Variants in HUS1 observed in about 807,000 individuals in gnomAD.
The protein encoded by HUS1 is HUS1 checkpoint clamp component.
Under a neutral mutation model 32.6 loss-of-function variants are expected in HUS1, and 31 were observed. That is an observed-to-expected ratio of 0.95 (90% CI 0.72 to 1.28). HUS1 has a LOEUF of 1.28. Ranked by LOEUF, HUS1 falls within the 50% of genes most tolerant of loss-of-function variation. The pLI is 0.00. For missense variants in HUS1, 340 were observed against 337.7 expected, an observed-to-expected ratio of 1.01 and a Z score of -0.05; for synonymous variants, 123 against 116.6, an observed-to-expected ratio of 1.06 and a Z score of -0.36.
At chr7:47,973,308 C>T (rs988828374) in intron 5 of HUS1, among the ~76,000 whole-genome samples, 5 of 152,226 alleles carry the variant, frequency 3.3e-5, no homozygotes, top group Admixed American at 3.3e-4. Flanking sequence ...AGACAGGCAG[C>T]ATCGACATCT....
chr7:47,972,329 T>C (rs1788615443), intron 5 of HUS1, among the ~76,000 whole-genome samples: 1 of 152,256 alleles, frequency 6.6e-6, no homozygotes, highest in Admixed American at 6.5e-5. Flanking sequence ...CAGGCTTAAA[T>C]GTTCTCTTGT....
chr7:47,972,469 T>G (rs1445489134), intron 5 of HUS1, among the ~76,000 whole-genome samples: 1 of 152,210 alleles, frequency 6.6e-6, no homozygotes, highest in African/African-American at 2.4e-5. Context: ...AACAAACAAC[T>G]AATTCTCTGA....
intron 6 of HUS1, among the ~76,000 whole-genome samples, chr7:47,968,227 T>C (rs1788522165): frequency 6.6e-6 from 1 of 151,246 alleles, no homozygotes; most frequent in Non-Finnish European, 1.5e-5. Flanking sequence ...AGAGTGAAAA[T>C]ATATACATTA....
intron 5 of HUS1, chr7:47,971,534 G>A (rs776149370): frequency 4.4e-6 from 2 of 456,628 alleles, no homozygotes; most frequent in Admixed American, 4.7e-5. Context: ...TGAAGCATAT[G>A]CCACAGTATG....
chr7:47,970,351 C>G (rs1382695642), intron 5 of HUS1, among the ~76,000 whole-genome samples: 1 of 150,762 alleles, frequency 6.6e-6, no homozygotes, highest in Non-Finnish European at 1.5e-5. Context: ...ACATAAAACA[C>G]AGCTGACAGC....
chr7:47,976,071 G>A (rs549679070), intron 4 of HUS1: 41 of 322,528 alleles, frequency 1.3e-4, no homozygotes, highest in Admixed American at 6.8e-4. Context: ...TATGATTCAA[G>A]GGCCTTTTCC....
chr7:47,975,440 G>A (rs1788682503), intron 5 of HUS1, among the ~76,000 whole-genome samples, 173 bp downstream of exon 5: 1 of 152,128 alleles, frequency 6.6e-6, no homozygotes, highest in South Asian at 2.1e-4. Context: ...TATTGGAATA[G>A]GTTTCTAAAT....
At chr7:47,972,163 G>A (rs550929033) in intron 5 of HUS1, among the ~76,000 whole-genome samples, 1 of 152,242 alleles carries the variant, frequency 6.6e-6, no homozygotes, top group African/African-American at 2.4e-5. Flanking sequence ...ACTGCTTAGT[G>A]GGGCTAAGGC....
In HUS1 at chr7:47,979,593, G is replaced by T; in HGVS notation, c.-74C>A. 1 of 1,203,488 alleles carries T rather than the reference G, an allele frequency of 8.3e-7. No individual in the cohort carries two copies. The highest frequency in any genetic ancestry group is 1.2e-6 in the Non-Finnish European group (1 of 816,288). 74.6% of individuals were successfully genotyped at this position (1,203,488 alleles called of 1,614,324 possible). A position where few individuals can be genotyped will look rare whatever the true frequency, so the allele number is the denominator to read the frequency against. On this transcript the variant is annotated 5_prime_UTR_variant, in exon 1 of 8. Coordinates refer to ENST00000258774, the MANE Select transcript of HUS1 (RefSeq NM_004507.4). ...CGTCGCGCCCTGAGTGTCCCCGCCC[G>T]GAAACACGGCAGCGCGAACAGTGGT...
In HUS1 at chr7:47,979,476, T is replaced by C. The variant is rs746474307; in HGVS notation, c.44A>G (p.His15Arg). 2.2e-5 allele frequency: 35 copies of C among 1,613,386 alleles called. 1 individual carries two copies. The highest frequency in any genetic ancestry group is 1.7e-4 in the Middle Eastern group (1 of 6,052). Reference sequence around the variant, plus strand: ...CCGGCCTCCCTGCTCACGTGTGAAGTGGTTCAGACAGGCCCCGTCCACGAT... The same window carrying C: ...CCGGCCTCCCTGCTCACGTGTGAAGCGGTTCAGACAGGCCCCGTCCACGAT... ...AKIVDGACLN[H>R]FTRISNMIAK... The change falls in exon 1 of 8, where the codon CAC (histidine) becomes CGC (arginine). Residue 15 changes from histidine (H) to arginine (R), a missense_variant. By Grantham distance (29) the His-to-Arg change is conservative. Coordinates refer to ENST00000258774, the MANE Select transcript of HUS1 (RefSeq NM_004507.4).
chr7:47,975,107 A>G (rs1788673191), intron 5 of HUS1, among the ~76,000 whole-genome samples: 1 of 152,104 alleles, frequency 6.6e-6, no homozygotes, highest in Non-Finnish European at 1.5e-5. Flanking sequence ...AGGTCAGGAG[A>G]TCGAGACCAT....
At chr7:47,974,496 G>T (rs948568750) in intron 5 of HUS1, among the ~76,000 whole-genome samples, 2 of 152,186 alleles carry the variant, frequency 1.3e-5, no homozygotes, top group African/African-American at 4.8e-5. Flanking sequence ...GAGGCATTGT[G>T]GGGGAATACC....
At chr7:47,972,884 G>T (rs527438645) in intron 5 of HUS1, among the ~76,000 whole-genome samples, 1 of 152,240 alleles carries the variant, frequency 6.6e-6, no homozygotes, top group East Asian at 1.9e-4. Flanking sequence ...AATATAGTAT[G>T]GCAATGATGT....
Position 47,964,482 on chromosome 7 carries a change from G to A in HUS1, c.*874C>T, listed in dbSNP as rs1377964975. On this transcript the variant is annotated 3_prime_UTR_variant, in exon 8 of 8. Transcript: ENST00000258774. ...ATGATGGGTATGTTTCAGGGAGAAT[G>A]AGCACATCTACCAGTACTGAATCAG... 6.6e-6 allele frequency: 1 copy of A among 152,206 alleles called. No individual in the cohort carries two copies. The highest frequency in any genetic ancestry group is 2.4e-5 in the African/African-American group (1 of 41,442). 9.4% of individuals were successfully genotyped at this position (152,206 alleles called of 1,614,324 possible). A position where few individuals can be genotyped will look rare whatever the true frequency, so the allele number is the denominator to read the frequency against.
chr7:47,976,584 T>C lies in HUS1; in HGVS notation c.465+146A>G, dbSNP rs1288131207. The C allele has an allele frequency of 4.5e-6, 3 of 659,480 alleles. No individual in the cohort carries two copies. The Admixed American group carries it at 7.0e-5, about 15-fold the overall frequency. 40.9% of individuals were successfully genotyped at this position (659,480 alleles called of 1,614,324 possible). A position where few individuals can be genotyped will look rare whatever the true frequency, so the allele number is the denominator to read the frequency against. On this transcript the variant is annotated intron_variant, in intron 4 of 7. Transcript: ENST00000258774. ...TATGCAACATTTTTAAGATGCTTTA[T>C]GTAAATAACAAAAGGCAAATAATCT...
At chr7:47,970,513 T>TTG in intron 5 of HUS1, among the ~76,000 whole-genome samples, 1 of 149,648 alleles carries the variant, frequency 6.7e-6, no homozygotes. Flanking sequence ...AACAAAGAGT[T>TTG]AAAAGGATCT....
At position 47,963,510 on chromosome 7, in the gene HUS1, C is replaced by T. The variant is rs969483533; in HGVS notation, c.*1846G>A. On this transcript the variant is annotated 3_prime_UTR_variant, in exon 8 of 8. Coordinates refer to ENST00000258774, the MANE Select transcript of HUS1 (RefSeq NM_004507.4). ...TGATTTTTAAGTTTTCTCACTGCAG[C>T]TGGAATTAATTTCGTTACAATGAGA... 2.0e-5 allele frequency: 3 copies of T among 152,190 alleles called. No homozygotes were observed. Among genetic ancestry groups the T allele is most frequent in the Non-Finnish European group, 4.4e-5 (3 of 68,032 alleles). 9.4% of individuals were successfully genotyped at this position (152,190 alleles called of 1,614,324 possible).
intron 4 of HUS1, 53 bp from the exon 5 acceptor site, chr7:47,975,740 A>T: frequency 1.0e-6 from 1 of 994,780 alleles, no homozygotes; most frequent in Non-Finnish European, 1.5e-6. Flanking sequence ...AATATACTCT[A>T]GTAATGACAA....
In HUS1 at chr7:47,978,682, T is replaced by C; in HGVS notation, c.180+7A>G. 6.2e-7 allele frequency: 1 copy of C among 1,614,096 alleles called. No homozygotes were observed. The highest frequency in any genetic ancestry group is 8.5e-7 in the Non-Finnish European group (1 of 1,179,984). ...AGTGTGCAGGCCTCTCAGAAGCTTTTGCTCACCTGTTCCAGCTCACACCAC... is the reference window on the plus strand; with the variant it reads ...AGTGTGCAGGCCTCTCAGAAGCTTTCGCTCACCTGTTCCAGCTCACACCAC... On this transcript the variant is annotated splice_region_variant and intron_variant, in intron 2 of 7. Coordinates refer to ENST00000258774, the MANE Select transcript of HUS1 (RefSeq NM_004507.4).
Sources: allele counts gnomAD v4.1 joint callset (sites outside exome capture counted in the v4.1 genomes callset), GRCh38; gene constraint gnomAD v4.1.1; transcripts MANE v1.5; gene names NCBI Gene and HGNC (gene_info 2026-07-23, HGNC 2026-07-21).